ANGPT4: variants seen among roughly 807,000 people sequenced by gnomAD.
ANGPT4 encodes angiopoietin 4, also known as angiopoietin-4.
In ANGPT4, 50 loss-of-function variants were observed where a neutral mutation model predicts 53.0. The observed-to-expected ratio is 0.94, with a 90% CI of 0.75 to 1.20. The LOEUF is 1.20. Ranked by LOEUF, ANGPT4 falls within the 50% of genes most tolerant of loss-of-function variation. ANGPT4 has a pLI of 0.00. For missense variants in ANGPT4, 648 were observed against 637.1 expected (o/e 1.02, Z -0.18); for synonymous variants, 251 against 259.7 (o/e 0.97, Z 0.32).
chr20:892,323 C>G (rs544768487), intron 1 of ANGPT4, among the ~76,000 whole-genome samples: 1 of 152,088 alleles, frequency 6.6e-6, no homozygotes, highest in Admixed American at 6.5e-5. Context: ...AGGCCAGGTG[C>G]GGTGGCTCAC....
intron 2 of ANGPT4, 121 bp from the exon 3 acceptor site, chr20:888,560 C>T (rs1600051693): frequency 3.4e-6 from 5 of 1,453,324 alleles, no homozygotes; most frequent in East Asian, 2.4e-5. Context: ...CTCTCCCAGT[C>T]GTAGTTCCTG....
intron 8 of ANGPT4, 144 bp downstream of exon 8, chr20:874,140 A>G: frequency 8.1e-7 from 1 of 1,236,110 alleles, no homozygotes; most frequent in African/African-American, 1.5e-5. Flanking sequence ...GGGCACAGCC[A>G]GGTGAGCTTA....
intron 1 of ANGPT4, among the ~76,000 whole-genome samples, chr20:894,433 G>C (rs1439420873): frequency 6.6e-6 from 1 of 152,106 alleles, no homozygotes; most frequent in East Asian, 1.9e-4. Flanking sequence ...GATTTCCTCG[G>C]GAGGGGTGCC....
At chr20:891,318 G>A (rs999090019) in intron 1 of ANGPT4, among the ~76,000 whole-genome samples, 1 of 152,166 alleles carries the variant, frequency 6.6e-6, no homozygotes, top group Non-Finnish European at 1.5e-5. Context: ...AAATGGGGCT[G>A]GACTGGCCAG....
chr20:892,595 A>AC (rs138718475), intron 1 of ANGPT4, among the ~76,000 whole-genome samples: 1 of 38,954 alleles, frequency 2.6e-5, no homozygotes, highest in Admixed American at 2.6e-4. Context: ...ACCGTGTCTC[A>AC]AAAAAAAAAA....
At chr20:899,093 T>C (rs4816056) in intron 1 of ANGPT4, among the ~76,000 whole-genome samples, 48,493 of 151,842 alleles carry the variant, frequency 0.32, 8,207 homozygotes, top group East Asian at 0.62. Flanking sequence ...CAGTGGAGGG[T>C]AAGTCTGTCC....
At chr20:874,466 GGCTGTGTCGA>G in intron 7 of ANGPT4, 52 bp from the exon 8 acceptor site, 1 of 1,602,790 alleles carries the variant, frequency 6.2e-7, no homozygotes, top group Non-Finnish European at 8.5e-7. Flanking sequence ...GTCAGGTTGG[GGCTGTGTCGA>G]GCAAGAACTT....
At chr20:907,774 C>A (rs1982532665) in intron 1 of ANGPT4, among the ~76,000 whole-genome samples, 1 of 152,156 alleles carries the variant, frequency 6.6e-6, no homozygotes, top group Middle Eastern at 3.2e-3. Flanking sequence ...CTGCCCACCC[C>A]CCAACCTCAC....
chr20:878,466 T>C (rs1981261780), intron 6 of ANGPT4, 139 bp from the exon 7 acceptor site: 3 of 763,732 alleles, frequency 3.9e-6, no homozygotes, highest in Non-Finnish European at 5.8e-6. Flanking sequence ...AAGTACAGTG[T>C]AGGCAGGACT....
At chr20:883,034 C>T (rs1345902787) in intron 4 of ANGPT4, among the ~76,000 whole-genome samples, 1 of 152,234 alleles carries the variant, frequency 6.6e-6, no homozygotes, top group East Asian at 1.9e-4. Context: ...AGGCACTGTG[C>T]TGAACCCTTT....
At chr20:899,269 A>G (rs967308992) in intron 1 of ANGPT4, among the ~76,000 whole-genome samples, 2 of 149,876 alleles carry the variant, frequency 1.3e-5, no homozygotes, top group African/African-American at 4.9e-5. Flanking sequence ...TTTTTTTGAG[A>G]TGGAGTCTCT....
chr20:878,470 C>T (rs535754893), intron 6 of ANGPT4, 143 bp from the exon 7 acceptor site: 3 of 736,024 alleles, frequency 4.1e-6, no homozygotes, highest in Non-Finnish European at 6.1e-6. Flanking sequence ...ACAGTGTAGG[C>T]AGGACTGGGA....
In ANGPT4 at chr20:879,753, G is replaced by C. The variant is rs150771715; in HGVS notation, c.1047C>G (p.Tyr349Ter). 2 of 1,613,208 alleles carry C rather than the reference G, an allele frequency of 1.2e-6. No individual in the cohort carries two copies. Among genetic ancestry groups the C allele is most frequent in the African/African-American group, 2.7e-5 (2 of 74,886 alleles). ...TVNFQRNWKD[Y>*]KQGFGDPAGE... ...CCCAAGGCAGCAGGGCTACCTGTTT[G>C]TAATCCTTCCAGTTCCGCTGAAAAT... The change falls in exon 6 of 9, where the codon TAC (tyrosine) becomes TAG (stop). Residue 349 changes from tyrosine (Y) to a stop codon, truncating the protein, a stop_gained. Transcript: ENST00000381922. LOFTEE classifies it high-confidence loss of function.
In ANGPT4 at chr20:872,648, T is replaced by C. The variant is rs1452519485; in HGVS notation, c.*312A>G. The C allele has an allele frequency of 3.8e-6, 1 of 264,100 alleles. No homozygotes were observed. Among genetic ancestry groups the C allele is most frequent in the Non-Finnish European group, 7.2e-6 (1 of 138,252 alleles). The allele number at this position is 264,100 out of a possible 1,614,324, so 16.4% of individuals were successfully genotyped here. A position where few individuals can be genotyped will look rare whatever the true frequency, so the allele number is the denominator to read the frequency against. ...GCAACCCCACCATTGGTCATGGGAATCAAGTTTGGTCTGTTCTCAGCCCAT... is the reference window on the plus strand; with the variant it reads ...GCAACCCCACCATTGGTCATGGGAACCAAGTTTGGTCTGTTCTCAGCCCAT... On this transcript the variant is annotated 3_prime_UTR_variant, in exon 9 of 9. Transcript: ENST00000381922.
chr20:878,107 C>T, intron 7 of ANGPT4, 54 bp downstream of exon 7: 1 of 1,539,708 alleles, frequency 6.5e-7, no homozygotes, highest in Non-Finnish European at 8.8e-7. Flanking sequence ...GGACCCCAGC[C>T]CGCCCACTAG....
chr20:901,810 G>A (rs367788311), intron 1 of ANGPT4, among the ~76,000 whole-genome samples: 23 of 152,330 alleles, frequency 1.5e-4, no homozygotes, highest in African/African-American at 4.1e-4. Context: ...AGCTACTTGC[G>A]GGGCTGAGGC....
At chr20:897,793 C>T (rs565336997) in intron 1 of ANGPT4, among the ~76,000 whole-genome samples, 1 of 152,306 alleles carries the variant, frequency 6.6e-6, no homozygotes, top group East Asian at 1.9e-4. Flanking sequence ...CTGCATTCCC[C>T]CTTCTTCTCC....
At chr20:913,414 G>A (rs890971353) in intron 1 of ANGPT4, among the ~76,000 whole-genome samples, 2 of 152,104 alleles carry the variant, frequency 1.3e-5, no homozygotes, top group Non-Finnish European at 2.9e-5. Context: ...TAGCCATTTG[G>A]TAAGGAAGTA....
intron 1 of ANGPT4, among the ~76,000 whole-genome samples, chr20:905,127 C>T (rs1308134553): frequency 6.6e-6 from 1 of 152,162 alleles, no homozygotes; most frequent in Non-Finnish European, 1.5e-5. Context: ...CTGAAAATGT[C>T]ACCTCCTCTG....
Sources: gnomAD v4.1 joint callset for allele counts (sites outside exome capture counted in the v4.1 genomes callset) on GRCh38, gnomAD v4.1.1 for gene constraint, MANE v1.5 for transcripts, NCBI Gene and HGNC (gene_info 2026-07-23, HGNC 2026-07-21) for gene names.